TERF1: variants seen among roughly 807,000 people sequenced by gnomAD.
TERF1 encodes the protein telomeric repeat binding factor 1.
A neutral mutation model predicts 55.1 loss-of-function variants in TERF1; 20 were observed. The observed-to-expected ratio is 0.36, with a 90% confidence interval of 0.26 to 0.53. The LOEUF (loss-of-function observed/expected upper bound fraction) is 0.53, where lower values mean the gene tolerates loss of function less well. Among genes scored for constraint, TERF1 ranks in the 20% least tolerant of loss-of-function variants. The pLI is 0.91. For missense variants in TERF1, 439 were observed against 535.7 expected, an observed-to-expected ratio of 0.82 and a Z score of 1.78; for synonymous variants, 168 against 181.2, an observed-to-expected ratio of 0.93 and a Z score of 0.59.
chr8:73,017,911 C>G (rs1299569580), intron 2 of TERF1, among the ~76,000 whole-genome samples: 1 of 152,030 alleles, frequency 6.6e-6, no homozygotes, highest in Non-Finnish European at 1.5e-5. Flanking sequence ...CCATGTTGGC[C>G]AGGATGGTCT....
At chr8:73,014,954 A>C (rs1246911581) in intron 2 of TERF1, among the ~76,000 whole-genome samples, 1 of 152,250 alleles carries the variant, frequency 6.6e-6, no homozygotes, top group Non-Finnish European at 1.5e-5. Flanking sequence ...AGGCTGGAGC[A>C]GAATTCCAGA....
chr8:73,023,884 G>A (rs960394971), intron 4 of TERF1, among the ~76,000 whole-genome samples: 2 of 152,156 alleles, frequency 1.3e-5, no homozygotes, highest in East Asian at 3.8e-4. Context: ...TTCTTTGGGA[G>A]ATCATTTTAG....
In TERF1 at chr8:73,026,643, T is replaced by A. The variant is rs56302650; in HGVS notation, c.775-297T>A. On this transcript the variant is annotated intron_variant, in intron 5 of 9. Transcript: ENST00000276603. ...GAAAATATCTAGAATTTTTATTTTT[T>A]TTTTTTTTCATGCAGCCTTTTCTCT... Among the ~76,000 whole-genome samples, 496 of 151,734 alleles carry A rather than the reference T, an allele frequency of 3.3e-3. 2 individuals are homozygous for A. The highest frequency in any genetic ancestry group is 8.7e-3 in the African/African-American group (360 of 41,540).
At chr8:73,043,207 G>A (rs941884139) in intron 9 of TERF1, 10 of 152,080 alleles carry the variant, frequency 6.6e-5, no homozygotes, top group African/African-American at 2.2e-4. Context: ...CTTGCCAGAC[G>A]ATAGCTTATT....
intron 9 of TERF1, among the ~76,000 whole-genome samples, chr8:73,042,258 T>C (rs905101765): frequency 6.6e-6 from 1 of 152,202 alleles, no homozygotes; most frequent in African/African-American, 2.4e-5. Flanking sequence ...AAAACAGTTG[T>C]TTCTCTTCTA....
chr8:73,026,687 A>G lies in TERF1; in HGVS notation c.775-253A>G, dbSNP rs1809019968. Among the ~76,000 whole-genome samples, 4 of 150,234 alleles carry G rather than the reference A, an allele frequency of 2.7e-5. No homozygotes were observed. The South Asian group carries it at 6.3e-4, about 24-fold the overall frequency. ...TTTCTCTTAAAATTGCCTAGAGAGC[A>G]TTTTGTCTATCAAATATATTTACAA... On this transcript the variant is annotated intron_variant, in intron 5 of 9. Coordinates refer to ENST00000276603, the MANE Select transcript of TERF1 (RefSeq NM_017489.3).
intron 8 of TERF1, 111 bp downstream of exon 8, chr8:73,032,244 C>T: frequency 1.4e-6 from 1 of 694,388 alleles, no homozygotes; most frequent in Non-Finnish European, 2.3e-6. Flanking sequence ...AAAACTGAAG[C>T]ACAAAGTCTT....
chr8:73,022,335 G>A (rs775423787), intron 4 of TERF1, 33 bp downstream of exon 4: 1 of 1,395,678 alleles, frequency 7.2e-7, no homozygotes, highest in Non-Finnish European at 9.9e-7. Context: ...TAGAATTTTA[G>A]AAGTGTTTAT....
rs753391990 is a variant in TERF1 at position 73,009,062 on chromosome 8, A to C, written c.176A>C (p.Glu59Ala). The C allele has an allele frequency of 1.8e-5, 29 of 1,609,190 alleles. No homozygotes were observed. The highest frequency in any genetic ancestry group is 2.5e-5 in the Non-Finnish European group (29 of 1,178,262). Residue 59 changes from glutamate (E) to alanine (A), a missense_variant, in exon 1 of 10, where the codon GAG becomes GCG. Physicochemically the swap from Glu to Ala is moderately radical, Grantham distance 107. Transcript: ENST00000276603. ...GTGGGGGCCCCCGAGGAGGAGGAGG[A>C]GGAGGAGGAGGACGCGGGCCTGGTG... ...VQVGAPEEEE[E>A]EEEDAGLVAE... is the part of the protein sequence containing the mutation.
rs987316848 is a variant in TERF1 at position 73,047,493 on chromosome 8, C to G, written c.*1356C>G. On this transcript the variant is annotated 3_prime_UTR_variant, in exon 10 of 10. Coordinates refer to ENST00000276603, the MANE Select transcript of TERF1 (RefSeq NM_017489.3). ...AATAAACAAGGTCATACATACCTTA[C>G]TAAACAATTTTGGTTTTTCACCAAC... The G allele has an allele frequency of 6.6e-6, 1 of 152,134 alleles. No individual in the cohort carries two copies. Among genetic ancestry groups the G allele is most frequent in the Non-Finnish European group, 1.5e-5 (1 of 68,036 alleles). 9.4% of individuals were successfully genotyped at this position (152,134 alleles called of 1,614,324 possible).
chr8:73,033,847 C>T (rs1563468956), intron 8 of TERF1, among the ~76,000 whole-genome samples: 2 of 152,280 alleles, frequency 1.3e-5, no homozygotes, highest in East Asian at 1.9e-4. Context: ...GTAATAAGTA[C>T]GTTTTCTTAA....
At chr8:73,021,476 C>T (rs1418721750) in intron 3 of TERF1, among the ~76,000 whole-genome samples, 2 of 152,134 alleles carry the variant, frequency 1.3e-5, no homozygotes, top group Non-Finnish European at 2.9e-5. Flanking sequence ...GCAAGTCTTT[C>T]TTAATACACT....
intron 2 of TERF1, among the ~76,000 whole-genome samples, chr8:73,016,091 C>G (rs528114695): frequency 6.6e-6 from 1 of 152,218 alleles, no homozygotes; most frequent in East Asian, 1.9e-4. Context: ...GCACCCCAAC[C>G]TGGGCAGCAC....
intron 1 of TERF1, 73 bp from the exon 2 acceptor site, chr8:73,013,822 A>T: frequency 2.4e-6 from 2 of 841,880 alleles, no homozygotes; most frequent in South Asian, 1.5e-5. Context: ...GTAGCCTATT[A>T]CTCAACAAAC....
intron 9 of TERF1, among the ~76,000 whole-genome samples, chr8:73,044,794 G>C (rs1183200805): frequency 2.0e-5 from 3 of 151,536 alleles, no homozygotes; most frequent in Non-Finnish European, 4.4e-5. Context: ...AAGTAGCATA[G>C]TATTTTTCTT....
intron 8 of TERF1, among the ~76,000 whole-genome samples, chr8:73,037,799 AATAAT>A (rs1418274065): frequency 4.5e-4 from 42 of 94,170 alleles, no homozygotes; most frequent in African/African-American, 2.1e-3. Flanking sequence ...TATATAGTAT[AATAAT>A]ATATATATTA....
intron 3 of TERF1, among the ~76,000 whole-genome samples, 181 bp downstream of exon 3, chr8:73,020,986 A>ACTTAAG (rs1563459739): frequency 6.6e-6 from 1 of 152,146 alleles, no homozygotes; most frequent in African/African-American, 2.4e-5. Flanking sequence ...AATGTGCCAT[A>ACTTAAG]CTTAAGCATA....
At chr8:73,034,721 G>A (rs1809433766) in intron 8 of TERF1, among the ~76,000 whole-genome samples, 2 of 151,766 alleles carry the variant, frequency 1.3e-5, no homozygotes, top group African/African-American at 4.8e-5. Flanking sequence ...TAATATTTGA[G>A]TTGAAAGCTT....
chr8:73,020,746 T>A lies in TERF1; in HGVS notation c.478T>A (p.Ser160Thr). ...PLESALMIWGSIEKEHDKLHE... is the reference protein window; with the variant it reads ...PLESALMIWGTIEKEHDKLHE... The stretch of plus-strand genomic sequence containing the variant: ...GGAATCAGCCCTGATGATTTGGGGT[T>A]CAATTGAAAAGGAACATGACAAACT... Residue 160 changes from serine (S) to threonine (T), a missense_variant, in exon 3 of 10, where the codon TCA becomes ACA. Transcript: ENST00000276603. 6.3e-7 allele frequency: 1 copy of A among 1,580,104 alleles called. No individual in the cohort carries two copies. Among genetic ancestry groups the A allele is most frequent in the Non-Finnish European group, 8.7e-7 (1 of 1,154,110 alleles).
Sources: gnomAD v4.1 joint callset for allele counts (sites outside exome capture counted in the v4.1 genomes callset) on GRCh38, gnomAD v4.1.1 for gene constraint, MANE v1.5 for transcripts, NCBI Gene and HGNC (gene_info 2026-07-23, HGNC 2026-07-21) for gene names.